The following ABCA5 variants were observed in gnomAD, a reference collection of about 807,000 sequenced individuals.
ABCA5 encodes the protein cholesterol transporter ABCA5.
In ABCA5, 163 loss-of-function variants were observed where a neutral mutation model predicts 206.0. The observed-to-expected ratio is 0.79, with a 90% CI of 0.70 to 0.90. The LOEUF is 0.90. Ranked by LOEUF, ABCA5 falls within the 40% of genes least tolerant of loss-of-function variation. The pLI is 0.00. For synonymous variants in ABCA5, 609 were observed against 613.8 expected (o/e 0.99, Z 0.11); for missense variants, 1,859 against 1,912.9 (o/e 0.97, Z 0.53).
Position 69,254,335 on chromosome 17 carries a change from G to A in ABCA5, c.4224C>T (p.Asp1408=). The change falls in exon 32 of 39, where the codon GAC becomes GAT. Residue 1408 remains aspartate (D), a synonymous_variant. Coordinates refer to ENST00000392676, the MANE Select transcript of ABCA5 (RefSeq NM_172232.4). ...YGAVKGMSAS[D]MKEVISRITH... ...TTTACCGACTTATGACTTCTTTCAT[G>A]TCACTTGCACTCATTCCTTTGACAG... 1.2e-6 allele frequency: 2 copies of A among 1,605,496 alleles called. No individual in the cohort carries two copies. Among genetic ancestry groups the A allele is most frequent in the African/African-American group, 1.3e-5 (1 of 74,702 alleles).
chr17:69,303,827 T>TACACAC (rs1491212397), intron 7 of ABCA5, among the ~76,000 whole-genome samples: 1 of 10,216 alleles, frequency 9.8e-5, no homozygotes, highest in African/African-American at 2.1e-4. Context: ...TATATATATG[T>TACACAC]ATATATATAT....
Position 69,256,146 on chromosome 17 carries a change from G to T in ABCA5, c.3858+11C>A, listed in dbSNP as rs1056475143. On this transcript the variant is annotated intron_variant, in intron 29 of 38. Transcript: ENST00000392676. ...ATATTTACTATGACTTAGCCATAAA[G>T]AATAAATTACCTCCTCACAACACTG... The T allele has an allele frequency of 1.1e-5, 18 of 1,576,892 alleles. No individual in the cohort carries two copies. The African/African-American group carries it at 1.2e-4, about 11-fold the overall frequency.
At chr17:69,283,150 C>A (rs2075414323) in intron 18 of ABCA5, among the ~76,000 whole-genome samples, 1 of 151,896 alleles carries the variant, frequency 6.6e-6, no homozygotes, top group African/African-American at 2.4e-5. Context: ...CCATACCTGG[C>A]TAATTTTTGT....
Position 69,256,183 on chromosome 17 carries a change from G to C in ABCA5, c.3832C>G (p.Leu1278Val). ...VKAERLKVKE[L>V]MGCQCCEEKP... is the part of the protein sequence containing the mutation. ...TCCTCACAACACTGGCAACCCATCA[G>C]CTCTTTGACCTTTAGTCTTTCAGCT... The change falls in exon 29 of 39, where the codon CTG becomes GTG. Residue 1278 changes from leucine (L) to valine (V), a missense_variant. Leu to Val is a conservative substitution (Grantham distance 32). Transcript: ENST00000392676. 6.2e-7 allele frequency: 1 copy of C among 1,607,058 alleles called. No homozygotes were observed. The highest frequency in any genetic ancestry group is 8.5e-7 in the Non-Finnish European group (1 of 1,176,666).
chr17:69,254,546 G>T, intron 31 of ABCA5, 56 bp from the exon 32 acceptor site: 1 of 1,455,800 alleles, frequency 6.9e-7, no homozygotes, highest in South Asian at 1.2e-5. Context: ...TGTGAAGGAA[G>T]TGGCAAGTAC....
At chr17:69,289,759 G>A in intron 13 of ABCA5, 103 bp downstream of exon 13, 2 of 877,540 alleles carry the variant, frequency 2.3e-6, no homozygotes, top group Non-Finnish European at 3.4e-6. Context: ...CTCAGAACAA[G>A]TGTTATATTT....
intron 1 of ABCA5, among the ~76,000 whole-genome samples, chr17:69,318,299 T>C (rs2075834339): frequency 6.6e-6 from 1 of 152,148 alleles, no homozygotes. Context: ...TTCACCATGT[T>C]GGTCAGACTG....
At chr17:69,284,461 T>A (rs1294625267) in intron 17 of ABCA5, among the ~76,000 whole-genome samples, 1 of 152,104 alleles carries the variant, frequency 6.6e-6, no homozygotes, top group Non-Finnish European at 1.5e-5. Flanking sequence ...ACAAAAATTT[T>A]ACAGTATTTG....
At chr17:69,296,916 G>C (rs1411924548) in intron 10 of ABCA5, among the ~76,000 whole-genome samples, 1 of 152,202 alleles carries the variant, frequency 6.6e-6, no homozygotes, top group East Asian at 1.9e-4. Flanking sequence ...AGTGAGCCGA[G>C]ATTGTGCCAC....
chr17:69,290,484 T>C (rs2075514069), intron 12 of ABCA5, among the ~76,000 whole-genome samples: 1 of 152,102 alleles, frequency 6.6e-6, no homozygotes, highest in Non-Finnish European at 1.5e-5. Flanking sequence ...ATTGTTTTAA[T>C]AGTGAAAATT....
intron 6 of ABCA5, among the ~76,000 whole-genome samples, chr17:69,306,253 T>C (rs910200438): frequency 2.6e-5 from 4 of 152,056 alleles, no homozygotes; most frequent in African/African-American, 7.2e-5. Context: ...ACTAAAACTT[T>C]CGAGGGAAAA....
intron 13 of ABCA5, 43 bp from the exon 14 acceptor site, chr17:69,289,339 C>A: frequency 1.4e-6 from 2 of 1,398,322 alleles, no homozygotes; most frequent in Non-Finnish European, 1.9e-6. Flanking sequence ...AAAAATCATA[C>A]CATTTATATA....
In ABCA5 at chr17:69,246,940, A is replaced by ATTTC. The variant is rs2074958162; in HGVS notation, c.*596_*597insGAAA. 1 of 151,982 alleles carries ATTTC rather than the reference A, an allele frequency of 6.6e-6. No individual in the cohort carries two copies. The highest frequency in any genetic ancestry group is 1.5e-5 in the Non-Finnish European group (1 of 67,836). The allele number at this position is 151,982 out of a possible 1,614,324, so 9.4% of individuals were successfully genotyped here. On this transcript the variant is annotated 3_prime_UTR_variant, in exon 39 of 39. Coordinates refer to ENST00000392676, the MANE Select transcript of ABCA5 (RefSeq NM_172232.4). ...ACCTAAGCCTAAAATCATGTACTAG[A>ATTTC]ACAAGGGCTCATTTCACTTATTATG...
At chr17:69,308,467 T>C in intron 4 of ABCA5, 99 bp from the exon 5 acceptor site, 1 of 745,764 alleles carries the variant, frequency 1.3e-6, no homozygotes, top group South Asian at 1.9e-5. Flanking sequence ...AACAATATAA[T>C]CAATCAATCT....
chr17:69,300,859 T>C (rs2075644820), intron 9 of ABCA5, among the ~76,000 whole-genome samples: 1 of 152,256 alleles, frequency 6.6e-6, no homozygotes, highest in Non-Finnish European at 1.5e-5. Context: ...AATAAAATAC[T>C]TCAATTAAAA....
chr17:69,320,802 A>T (rs1426469939), intron 1 of ABCA5, among the ~76,000 whole-genome samples: 1 of 152,156 alleles, frequency 6.6e-6, no homozygotes, highest in Non-Finnish European at 1.5e-5. Context: ...CAATTTGAAA[A>T]GGGATATGGC....
intron 24 of ABCA5, among the ~76,000 whole-genome samples, chr17:69,263,754 T>C (rs2075176994): frequency 6.8e-6 from 1 of 146,068 alleles, no homozygotes; most frequent in African/African-American, 2.6e-5. Flanking sequence ...TTGAGTGCAG[T>C]AGCACGATCT....
intron 1 of ABCA5, among the ~76,000 whole-genome samples, chr17:69,323,375 C>T (rs966195757): frequency 2.6e-5 from 4 of 152,190 alleles, no homozygotes; most frequent in Non-Finnish European, 4.4e-5. Context: ...TAAGCATCCC[C>T]AGGCCTTGCC....
At chr17:69,309,671 T>G (rs1567781606) in intron 3 of ABCA5, among the ~76,000 whole-genome samples, 1 of 152,082 alleles carries the variant, frequency 6.6e-6, no homozygotes. Flanking sequence ...GGTGAGGTTC[T>G]GTCTCCAAAA....
Sources: gnomAD v4.1 joint callset for allele counts (sites outside exome capture counted in the v4.1 genomes callset) on GRCh38, gnomAD v4.1.1 for gene constraint, MANE v1.5 for transcripts, NCBI Gene and HGNC (gene_info 2026-07-23, HGNC 2026-07-21) for gene names.